Variants in PRIM2 observed in about 807,000 individuals in gnomAD.
PRIM2 encodes DNA primase large subunit.
PRIM2 carries 39 observed loss-of-function variants against 67.3 expected under a neutral mutation model. The ratio of observed to expected loss-of-function variants is 0.58; its 90% confidence interval spans 0.45 to 0.76. PRIM2 has a LOEUF of 0.76. PRIM2 is among the 30% of genes least tolerant of loss of function. PRIM2 has a pLI of 0.00. For synonymous variants in PRIM2, 143 were observed against 198.7 expected, an observed-to-expected ratio of 0.72 and a Z score of 2.36; for missense variants, 398 against 598.7, an observed-to-expected ratio of 0.66 and a Z score of 3.50.
intron 7 of PRIM2, among the ~76,000 whole-genome samples, chr6:57,485,210 C>T (rs1304045016): frequency 2.0e-5 from 3 of 151,888 alleles, no homozygotes; most frequent in African/African-American, 4.8e-5. Flanking sequence ...TTCTGGCCAC[C>T]GTGGTTAGTC....
chr6:57,318,804 C>A (rs962789691), intron 2 of PRIM2, among the ~76,000 whole-genome samples: 6 of 151,930 alleles, frequency 3.9e-5, no homozygotes, highest in Non-Finnish European at 8.8e-5. Context: ...TTGTACAATG[C>A]ATATTATTGA....
chr6:57,263,485 T>A, the PRIM2 span, among the ~76,000 whole-genome samples: 1 of 152,186 alleles, frequency 6.6e-6, no homozygotes, highest in Non-Finnish European at 1.5e-5. Flanking sequence ...AGTCATCTTC[T>A]CCCTGTGTGT....
chr6:57,452,900 A>G (rs1190429576), intron 7 of PRIM2, among the ~76,000 whole-genome samples: 2 of 152,146 alleles, frequency 1.3e-5, no homozygotes, highest in Non-Finnish European at 2.9e-5. Context: ...GTTTTCTTCT[A>G]GGGTTTTTAT....
intron 7 of PRIM2, among the ~76,000 whole-genome samples, chr6:57,395,385 C>G (rs1770486885): frequency 6.6e-6 from 1 of 152,090 alleles, no homozygotes; most frequent in African/African-American, 2.4e-5. Context: ...CTGATTTAAG[C>G]TAGGAGGTTT....
Position 57,579,456 on chromosome 6 carries a change from TTGTC to T in PRIM2, c.1021-21633_1021-21630del, listed in dbSNP as rs1301677759. ...ATTTTATGTAATTTTGTTCTTTTGG[TTGTC>T]TGTTATGTAGTAATGCTTAGATGAC... On this transcript the variant is annotated intron_variant, in intron 10 of 13. Coordinates refer to ENST00000615550, the MANE Select transcript of PRIM2 (RefSeq NM_000947.5). Among the ~76,000 whole-genome samples the T allele has an allele frequency of 2.6e-5, 4 of 152,160 alleles. No individual in the cohort carries two copies. The East Asian group carries it at 5.8e-4, about 22-fold the overall frequency.
At chr6:57,474,409 CGTGA>C (rs1438367360) in intron 7 of PRIM2, among the ~76,000 whole-genome samples, 1 of 151,998 alleles carries the variant, frequency 6.6e-6, no homozygotes. Flanking sequence ...CTCCTGACCT[CGTGA>C]TCTGCCCGCC....
At chr6:57,504,462 T>G (rs1374152824) in intron 7 of PRIM2, among the ~76,000 whole-genome samples, 2 of 152,204 alleles carry the variant, frequency 1.3e-5, no homozygotes, top group East Asian at 3.8e-4. Flanking sequence ...GAAACTGTAT[T>G]GGTTAATTCA....
At chr6:57,456,694 T>A (rs1290228276) in intron 7 of PRIM2, among the ~76,000 whole-genome samples, 12 of 152,178 alleles carry the variant, frequency 7.9e-5, no homozygotes, top group African/African-American at 2.9e-4. Flanking sequence ...CGTCTAGTTT[T>A]TTTTTTCAAG....
At chr6:57,542,156 A>G (rs1487792073) in intron 10 of PRIM2, among the ~76,000 whole-genome samples, 1 of 152,010 alleles carries the variant, frequency 6.6e-6, no homozygotes, top group East Asian at 1.9e-4. Flanking sequence ...TTGTATTTCT[A>G]GTAGAGACGG....
At chr6:57,580,610 C>A (rs1173797364) in intron 10 of PRIM2, among the ~76,000 whole-genome samples, 1 of 152,156 alleles carries the variant, frequency 6.6e-6, no homozygotes, top group Non-Finnish European at 1.5e-5. Context: ...CTCTGTATCC[C>A]TGTGTCTTCA....
At chr6:57,380,192 C>A (rs1769909773) in intron 6 of PRIM2, among the ~76,000 whole-genome samples, 196 bp downstream of exon 6, 1 of 152,170 alleles carries the variant, frequency 6.6e-6, no homozygotes, top group Admixed American at 6.5e-5. Context: ...GACGCATTCC[C>A]AACCCTGCTT....
At chr6:57,456,543 C>T (rs1158543763) in intron 7 of PRIM2, among the ~76,000 whole-genome samples, 1 of 152,154 alleles carries the variant, frequency 6.6e-6, no homozygotes, top group Non-Finnish European at 1.5e-5. Context: ...ATTTGATTTT[C>T]CATCACTAAT....
chr6:57,413,290 T>C (rs983507), intron 7 of PRIM2, among the ~76,000 whole-genome samples: 4 of 152,186 alleles, frequency 2.6e-5, no homozygotes, highest in Admixed American at 6.5e-5. Flanking sequence ...AAATTTGAAT[T>C]GAAGTGTATT....
the PRIM2 span, among the ~76,000 whole-genome samples, chr6:57,301,459 C>T: frequency 6.6e-6 from 1 of 152,262 alleles, no homozygotes; most frequent in East Asian, 1.9e-4. Context: ...TGCACTCCAG[C>T]CTGGGCAGCA....
chr6:57,591,129 G>A (rs1312570180), intron 10 of PRIM2, among the ~76,000 whole-genome samples: 3 of 152,198 alleles, frequency 2.0e-5, no homozygotes, highest in African/African-American at 7.2e-5. Context: ...TTAAAGGGAA[G>A]TATTTGGATC....
chr6:57,241,223 C>CAAAAAAAAAAAAAAAA, the PRIM2 span, among the ~76,000 whole-genome samples: 1 of 95,918 alleles, frequency 1.0e-5, no homozygotes. Flanking sequence ...GACTCTGTCT[C>CAAAAAAAAAAAAAAAA]AAAAAAAAAA....
At chr6:57,519,022 G>C (rs1774548772) in intron 8 of PRIM2, among the ~76,000 whole-genome samples, 1 of 152,176 alleles carries the variant, frequency 6.6e-6, no homozygotes, top group East Asian at 1.9e-4. Flanking sequence ...GACATCACAT[G>C]TCAGTAGGTT....
At chr6:57,330,161 A>C (rs983984996) in intron 5 of PRIM2, among the ~76,000 whole-genome samples, 1 of 151,388 alleles carries the variant, frequency 6.6e-6, no homozygotes, top group African/African-American at 2.5e-5. Context: ...CTATTTATTT[A>C]GATCTTCTTT....
At chr6:57,567,182 T>C (rs1376532886) in intron 10 of PRIM2, among the ~76,000 whole-genome samples, 1 of 152,206 alleles carries the variant, frequency 6.6e-6, no homozygotes, top group East Asian at 1.9e-4. Context: ...AATATTGTAA[T>C]AATCATAAAC....
Sources: allele counts gnomAD v4.1 joint callset (sites outside exome capture counted in the v4.1 genomes callset), GRCh38; gene constraint gnomAD v4.1.1; transcripts MANE v1.5; gene names NCBI Gene and HGNC (gene_info 2026-07-23, HGNC 2026-07-21).